The following CTSS variants were observed in gnomAD, a reference collection of about 807,000 sequenced individuals.
The protein encoded by CTSS is cathepsin S.
Under a neutral mutation model 39.9 loss-of-function variants are expected in CTSS, and 15 were observed. That is an observed-to-expected ratio of 0.38 (90% CI 0.25 to 0.58). The LOEUF is 0.58. CTSS is among the 20% of genes least tolerant of loss of function. CTSS has a pLI of 0.70. For missense variants in CTSS, 250 were observed against 398.2 expected (o/e 0.63, Z 3.17); for synonymous variants, 126 against 138.2 (o/e 0.91, Z 0.62).
chr1:150,758,053 AT>A (rs371205604), intron 2 of CTSS, 73 bp from the exon 3 acceptor site: 75,573 of 1,141,956 alleles, frequency 0.066, no homozygotes, highest in South Asian at 0.09. Context: ...GAAAATGGCA[AT>A]TTTTTTTTTT....
chr1:150,764,517 C>G, intron 2 of CTSS, 121 bp downstream of exon 2: 2 of 1,337,708 alleles, frequency 1.5e-6, no homozygotes, highest in Non-Finnish European at 2.1e-6. Flanking sequence ...GGATTACAGG[C>G]GCGAGCCACC....
chr1:150,734,656 T>G (rs1652597348), intron 7 of CTSS, among the ~76,000 whole-genome samples: 1 of 151,474 alleles, frequency 6.6e-6, no homozygotes, highest in African/African-American at 2.4e-5. Context: ...AAAAAGAAAA[T>G]AAATAAAAAC....
chr1:150,755,522 C>G (rs971654736), intron 3 of CTSS, among the ~76,000 whole-genome samples: 1 of 151,990 alleles, frequency 6.6e-6, no homozygotes, highest in African/African-American at 2.4e-5. Context: ...GGCAAATCAC[C>G]TGAGGTCAGG....
chr1:150,761,753 AAAAG>A (rs953406552), intron 2 of CTSS, among the ~76,000 whole-genome samples: 4 of 56,570 alleles, frequency 7.1e-5, no homozygotes, highest in African/African-American at 1.4e-4. Context: ...AAAAAAAGAA[AAAAG>A]AAAGAAAGAA....
rs1652489135 is a variant in CTSS, at chr1:150,730,203, GCA to G, written c.*2841_*2842del. 6.6e-6 allele frequency: 1 copy of G among 152,098 alleles called. No individual in the cohort carries two copies. 9.4% of individuals were successfully genotyped at this position (152,098 alleles called of 1,614,324 possible). The stretch of plus-strand genomic sequence containing the variant: ...AGAGAGATTAGCAAGAGAAAAGCAT[GCA>G]CATTTATTTAATATAAGTTTTACAC... On this transcript the variant is annotated 3_prime_UTR_variant, in exon 8 of 8. Coordinates refer to ENST00000368985, the MANE Select transcript of CTSS (RefSeq NM_004079.5).
chr1:150,732,364 T>A lies in CTSS; in HGVS notation c.*682A>T, dbSNP rs934986336. On this transcript the variant is annotated 3_prime_UTR_variant, in exon 8 of 8. Transcript: ENST00000368985. ...ATTAATAGTTGCCTAGGAATAAGAA[T>A]GGTATGTGGCAATGATAGAAATTTG... The A allele has an allele frequency of 6.6e-6, 1 of 152,184 alleles. No individual in the cohort carries two copies. The highest frequency in any genetic ancestry group is 6.5e-5 in the Admixed American group (1 of 15,270). The allele number at this position is 152,184 out of a possible 1,614,324, so 9.4% of individuals were successfully genotyped here.
chr1:150,755,267 A>G, intron 3 of CTSS, 117 bp from the exon 4 acceptor site: 1 of 1,163,952 alleles, frequency 8.6e-7, no homozygotes, highest in East Asian at 2.4e-5. Context: ...ACACAAACCT[A>G]GAGCGTATTG....
At chr1:150,758,067 TGA>T in intron 2 of CTSS, 87 bp from the exon 3 acceptor site, 1 of 1,241,784 alleles carries the variant, frequency 8.1e-7, no homozygotes, top group Non-Finnish European at 1.1e-6. Context: ...TTTTTTTTTT[TGA>T]GATGGAGTCT....
At chr1:150,739,722 GA>G (rs140304908) in intron 7 of CTSS, among the ~76,000 whole-genome samples, 1 of 151,590 alleles carries the variant, frequency 6.6e-6, no homozygotes, top group Non-Finnish European at 1.5e-5. Flanking sequence ...AAAAAGTAAA[GA>G]AAAAAAGTGA....
intron 7 of CTSS, among the ~76,000 whole-genome samples, chr1:150,735,933 AT>A (rs1221922593): frequency 6.6e-6 from 1 of 151,166 alleles, no homozygotes; most frequent in African/African-American, 2.4e-5. Flanking sequence ...ATTTTTTTGT[AT>A]TTTTTAGTAG....
chr1:150,757,273 G>A (rs1398957217), intron 3 of CTSS, among the ~76,000 whole-genome samples: 1 of 152,120 alleles, frequency 6.6e-6, no homozygotes, highest in Non-Finnish European at 1.5e-5. Flanking sequence ...TTCAAAGCAA[G>A]GCAGAATTTT....
chr1:150,750,269 T>C (rs1392441357), intron 5 of CTSS, 98 bp from the exon 6 acceptor site: 2 of 990,598 alleles, frequency 2.0e-6, no homozygotes, highest in Non-Finnish European at 2.9e-6. Flanking sequence ...CTTCCTTTCT[T>C]TAACTTTTTC....
intron 7 of CTSS, among the ~76,000 whole-genome samples, chr1:150,741,500 C>A (rs1652755115): frequency 6.6e-6 from 1 of 152,098 alleles, no homozygotes; most frequent in African/African-American, 2.4e-5. Flanking sequence ...AATAATAATG[C>A]TACAATTCAC....
At chr1:150,763,010 G>A (rs1426406561) in intron 2 of CTSS, among the ~76,000 whole-genome samples, 4 of 151,670 alleles carry the variant, frequency 2.6e-5, no homozygotes, top group Non-Finnish European at 5.9e-5. Context: ...GCCAAGATAC[G>A]GAATCAACCT....
intron 6 of CTSS, 52 bp downstream of exon 6, chr1:150,749,954 T>C (rs587649336): frequency 6.8e-7 from 1 of 1,480,482 alleles, no homozygotes; most frequent in Non-Finnish European, 9.1e-7. Context: ...GCTCAGCCAA[T>C]ATCCTTTCTT....
intron 7 of CTSS, among the ~76,000 whole-genome samples, chr1:150,739,693 C>G (rs12748530): frequency 2.6e-4 from 31 of 117,272 alleles, no homozygotes; most frequent in Admixed American, 6.2e-4. Flanking sequence ...ACAACAACAA[C>G]AAAAAGAAAG....
At chr1:150,745,711 G>A (rs1401764531) in intron 7 of CTSS, among the ~76,000 whole-genome samples, 1 of 152,038 alleles carries the variant, frequency 6.6e-6, no homozygotes, top group Admixed American at 6.6e-5. Flanking sequence ...ATGCATACAG[G>A]GAGAATGTCA....
chr1:150,739,216 C>G (rs1227250606), intron 7 of CTSS, among the ~76,000 whole-genome samples: 2 of 151,942 alleles, frequency 1.3e-5, no homozygotes, highest in African/African-American at 4.8e-5. Flanking sequence ...AAAAAACAAC[C>G]TTACAGTGGC....
rs754526996 is a variant in CTSS, at chr1:150,755,139, T to C, written c.261A>G (p.Glu87=). The part of the protein sequence containing the change: ...MNHLGDMTSE[E]VMSLMSSLRV... ...TCAGGGAACTCATCAAAGACATCAC[T>C]TCTTCACTGGTCTACAAAGCAAATA... The change falls in exon 4 of 8, where the codon GAA becomes GAG. Residue 87 remains glutamate (E), a synonymous_variant. Coordinates refer to ENST00000368985, the MANE Select transcript of CTSS (RefSeq NM_004079.5). 4 of 1,614,174 alleles carry C rather than the reference T, an allele frequency of 2.5e-6. No homozygotes were observed. In the East Asian group the frequency reaches 8.9e-5, roughly 36 times the overall value.
Sources: allele counts gnomAD v4.1 joint callset (sites outside exome capture counted in the v4.1 genomes callset), GRCh38; gene constraint gnomAD v4.1.1; transcripts MANE v1.5; gene names NCBI Gene and HGNC (gene_info 2026-07-23, HGNC 2026-07-21).